ERBB4: variants seen among roughly 807,000 people sequenced by gnomAD.
ERBB4 encodes the protein receptor tyrosine-protein kinase erbB-4.
In ERBB4, 42 loss-of-function variants were observed where a neutral mutation model predicts 158.0. The ratio of observed to expected loss-of-function variants is 0.27; its 90% CI spans 0.21 to 0.34. ERBB4 has a LOEUF of 0.34. ERBB4 is among the 10% of genes least tolerant of loss of function. ERBB4 has a pLI of 1.00. For missense variants in ERBB4, 1,333 were observed against 1,624.1 expected (o/e 0.82, Z 3.08); for synonymous variants, 583 against 558.7 (o/e 1.04, Z -0.61).
intron 1 of ERBB4, among the ~76,000 whole-genome samples, chr2:212,185,003 T>G (rs1167369169): frequency 1.3e-5 from 2 of 151,276 alleles, no homozygotes; most frequent in Non-Finnish European, 2.9e-5. Context: ...CCATTAGATA[T>G]CACAGTTACT....
chr2:212,233,126 A>G (rs1268007614), intron 1 of ERBB4, among the ~76,000 whole-genome samples: 1 of 152,134 alleles, frequency 6.6e-6, no homozygotes, highest in Non-Finnish European at 1.5e-5. Context: ...TTAAATCACT[A>G]TTTTTGAGAT....
intron 1 of ERBB4, among the ~76,000 whole-genome samples, chr2:212,421,500 A>T (rs2091791896): frequency 6.6e-6 from 1 of 152,164 alleles, no homozygotes; most frequent in African/African-American, 2.4e-5. Flanking sequence ...AAGTAGTACA[A>T]AATGTTCAAC....
At chr2:212,179,139 A>G (rs2081772874) in intron 1 of ERBB4, among the ~76,000 whole-genome samples, 1 of 151,656 alleles carries the variant, frequency 6.6e-6, no homozygotes, top group South Asian at 2.1e-4. Flanking sequence ...TAAAGCTCCT[A>G]TGTCTTTTGA....
intron 5 of ERBB4, among the ~76,000 whole-genome samples, chr2:211,747,548 G>T (rs1162893407): frequency 6.6e-6 from 1 of 151,922 alleles, no homozygotes; most frequent in Non-Finnish European, 1.5e-5. Context: ...TCCTGAAAGT[G>T]GTCTATTATA....
Position 211,380,114 on chromosome 2 carries a change from G to T in ERBB4, c.*3501C>A, listed in dbSNP as rs1325885163. On this transcript the variant is annotated 3_prime_UTR_variant, in exon 28 of 28. Transcript: ENST00000342788. ...AAAAAGAATCACTTGATTTTAGTTT[G>T]TGTGTTTTAATAGAAATTTGAGTTT... is the stretch of plus-strand genomic sequence containing the variant. 17 of 231,930 alleles carry T rather than the reference G, an allele frequency of 7.3e-5. No homozygotes were observed. Among genetic ancestry groups the T allele is most frequent in the Non-Finnish European group, 1.3e-4 (15 of 117,392 alleles). 14.4% of individuals were successfully genotyped at this position (231,930 alleles called of 1,614,324 possible).
At chr2:211,460,249 T>G (rs2064495295) in intron 20 of ERBB4, among the ~76,000 whole-genome samples, 1 of 152,122 alleles carries the variant, frequency 6.6e-6, no homozygotes, top group South Asian at 2.1e-4. Flanking sequence ...GTCAAATGCT[T>G]TTTTTTATGA....
chr2:212,140,895 G>A (rs1275616294), intron 1 of ERBB4, among the ~76,000 whole-genome samples: 4 of 147,370 alleles, frequency 2.7e-5, no homozygotes, highest in Admixed American at 6.9e-5. Context: ...GTGTAGAGGG[G>A]AGTATTTAAG....
At chr2:211,467,527 T>C (rs1383668407) in intron 20 of ERBB4, among the ~76,000 whole-genome samples, 2 of 152,146 alleles carry the variant, frequency 1.3e-5, no homozygotes, top group African/African-American at 2.4e-5. Context: ...GTCCATGCAG[T>C]GGACCTTCTC....
At chr2:212,375,177 G>A (rs1196142433) in intron 1 of ERBB4, among the ~76,000 whole-genome samples, 2 of 151,922 alleles carry the variant, frequency 1.3e-5, no homozygotes, top group African/African-American at 4.8e-5. Context: ...TAAATATCAT[G>A]GATATGACAA....
intron 1 of ERBB4, among the ~76,000 whole-genome samples, chr2:212,320,514 GA>G (rs11382159): frequency 0.12 from 16,957 of 141,724 alleles, 2,102 homozygotes; most frequent in African/African-American, 0.28. Context: ...TTACATGACA[GA>G]AAAAAAAAAA....
intron 2 of ERBB4, among the ~76,000 whole-genome samples, chr2:212,040,737 C>T (rs2077121963): frequency 6.6e-6 from 1 of 152,000 alleles, no homozygotes; most frequent in Admixed American, 6.6e-5. Context: ...CTGATTTTGG[C>T]CTTCAGGCTG....
intron 19 of ERBB4, among the ~76,000 whole-genome samples, chr2:211,583,504 A>C (rs559828656): frequency 1.1e-5 from 1 of 88,286 alleles, no homozygotes; most frequent in East Asian, 4.4e-4. Flanking sequence ...ATAGTAGAAT[A>C]AATTATTTTC....
intron 20 of ERBB4, among the ~76,000 whole-genome samples, chr2:211,487,873 A>G (rs569838436): frequency 6.6e-6 from 1 of 152,188 alleles, no homozygotes; most frequent in South Asian, 2.1e-4. Flanking sequence ...AGAGAGGAAA[A>G]GTGTGTTGGA....
chr2:212,396,059 A>T (rs2091016811), intron 1 of ERBB4, among the ~76,000 whole-genome samples: 1 of 152,176 alleles, frequency 6.6e-6, no homozygotes, highest in Non-Finnish European at 1.5e-5. Flanking sequence ...GATGTTTTTA[A>T]TACTTTTAAG....
chr2:212,013,725 G>T (rs923778838), intron 2 of ERBB4, among the ~76,000 whole-genome samples: 5 of 152,142 alleles, frequency 3.3e-5, no homozygotes, highest in East Asian at 1.9e-4. Context: ...AAGAGGCAAG[G>T]TTTCTTCCCT....
At chr2:212,516,650 T>C (rs1000472199) in intron 1 of ERBB4, among the ~76,000 whole-genome samples, 1 of 152,134 alleles carries the variant, frequency 6.6e-6, no homozygotes, top group Non-Finnish European at 1.5e-5. Context: ...TTAGAGTGTG[T>C]TGAATTTATA....
At chr2:211,913,619 A>ATATGTG (rs1392716173) in intron 3 of ERBB4, among the ~76,000 whole-genome samples, 5 of 132,744 alleles carry the variant, frequency 3.8e-5, no homozygotes, top group African/African-American at 8.7e-5. Flanking sequence ...ATATATATAT[A>ATATGTG]TGTGTGTGTG....
At chr2:212,404,001 A>G (rs1278703678) in intron 1 of ERBB4, among the ~76,000 whole-genome samples, 1 of 152,048 alleles carries the variant, frequency 6.6e-6, no homozygotes, top group Non-Finnish European at 1.5e-5. Context: ...AAGGCATTGT[A>G]GACTGAACGT....
chr2:211,992,128 A>G (rs1232551922), intron 2 of ERBB4, among the ~76,000 whole-genome samples: 1 of 151,988 alleles, frequency 6.6e-6, no homozygotes. Flanking sequence ...GCAACATCCT[A>G]CTCTACTGGT....
Sources: allele counts gnomAD v4.1 joint callset (sites outside exome capture counted in the v4.1 genomes callset), GRCh38; gene constraint gnomAD v4.1.1; transcripts MANE v1.5; gene names NCBI Gene and HGNC (gene_info 2026-07-23, HGNC 2026-07-21).